RORA: variants seen among roughly 807,000 people sequenced by gnomAD.
The protein encoded by RORA is RAR related orphan receptor A, also known as nuclear receptor ROR-alpha.
Under a neutral mutation model 69.5 loss-of-function variants are expected in RORA, and 7 were observed. That is an observed-to-expected ratio of 0.10 (90% CI 0.06 to 0.19). The LOEUF (loss-of-function observed/expected upper bound fraction) is 0.19, where lower values mean the gene tolerates loss of function less well. Among genes scored for constraint, RORA ranks in the 10% least tolerant of loss-of-function variants. The probability of loss-of-function intolerance (pLI) is 1.00; values close to 1 mark genes in which losing one functional copy is unlikely to be tolerated. For missense variants in RORA, 457 were observed against 663.0 expected, an observed-to-expected ratio of 0.69 and a Z score of 3.41; for synonymous variants, 261 against 240.8, an observed-to-expected ratio of 1.08 and a Z score of -0.78.
At chr15:60,592,583 T>G in intron 2 of RORA, 1 of 1,211,804 alleles carries the variant, frequency 8.3e-7, no homozygotes, top group Non-Finnish European at 1.0e-6. Context: ...CCGGCTGACA[T>G]CACGGCCGCC....
At chr15:60,917,520 T>C (rs1017967748) in intron 1 of RORA, among the ~76,000 whole-genome samples, 1 of 152,152 alleles carries the variant, frequency 6.6e-6, no homozygotes, top group African/African-American at 2.4e-5. Flanking sequence ...AACTGCTGGG[T>C]GCTGTCCCAC....
At chr15:61,129,921 T>C (rs1338509122) in intron 1 of RORA, among the ~76,000 whole-genome samples, 1 of 152,190 alleles carries the variant, frequency 6.6e-6, no homozygotes, top group Non-Finnish European at 1.5e-5. Context: ...GGGTTTCCAA[T>C]GTATTCCATT....
chr15:61,028,437 G>T (rs1016228084), intron 1 of RORA, among the ~76,000 whole-genome samples: 3 of 152,150 alleles, frequency 2.0e-5, no homozygotes, highest in African/African-American at 7.2e-5. Context: ...CATTCAACAA[G>T]TATCTAATGA....
chr15:60,892,446 T>C (rs1161105085), intron 1 of RORA, among the ~76,000 whole-genome samples: 1 of 152,220 alleles, frequency 6.6e-6, no homozygotes, highest in African/African-American at 2.4e-5. Context: ...CCCACTCACC[T>C]GAACCCGTGC....
At chr15:61,129,593 A>G (rs181984998) in intron 1 of RORA, among the ~76,000 whole-genome samples, 2 of 152,304 alleles carry the variant, frequency 1.3e-5, no homozygotes, top group East Asian at 3.9e-4. Context: ...GGTAAATTTT[A>G]TGTTATGTAT....
At chr15:61,136,378 G>A (rs2079240418) in intron 1 of RORA, among the ~76,000 whole-genome samples, 1 of 152,178 alleles carries the variant, frequency 6.6e-6, no homozygotes, top group Admixed American at 6.5e-5. Context: ...CATTTTAGTG[G>A]TGCTGAAGTT....
chr15:60,944,034 T>C (rs183547925), intron 1 of RORA, among the ~76,000 whole-genome samples: 1 of 151,754 alleles, frequency 6.6e-6, no homozygotes, highest in East Asian at 1.9e-4. Flanking sequence ...TGGAGGCCTT[T>C]TGCCATAGTC....
At chr15:60,740,930 G>A (rs2071567695) in intron 1 of RORA, among the ~76,000 whole-genome samples, 1 of 152,182 alleles carries the variant, frequency 6.6e-6, no homozygotes, top group Non-Finnish European at 1.5e-5. Context: ...CAGTGAGAAA[G>A]CAGCTGTGGC....
intron 1 of RORA, among the ~76,000 whole-genome samples, chr15:60,959,998 T>C (rs185968317): frequency 2.0e-5 from 3 of 152,264 alleles, no homozygotes; most frequent in Admixed American, 1.3e-4. Context: ...ATAGCCAGTA[T>C]AGATTGTAAA....
At chr15:60,502,398 G>A (rs2065359124) in intron 8 of RORA, among the ~76,000 whole-genome samples, 1 of 152,126 alleles carries the variant, frequency 6.6e-6, no homozygotes, top group South Asian at 2.1e-4. Context: ...GAAGGGCAAA[G>A]CTTTTGCCCT....
In RORA at chr15:60,932,942, T is replaced by C. The variant is rs116529697; in HGVS notation, c.167-254256A>G. Among the ~76,000 whole-genome samples, 1,154 of 152,322 alleles carry C rather than the reference T, an allele frequency of 7.6e-3. 10 individuals carry two copies. The highest frequency in any genetic ancestry group is 0.027 in the African/African-American group (1,103 of 41,570). On this transcript the variant is annotated intron_variant, in intron 1 of 10. Coordinates refer to ENST00000335670, the MANE Select transcript of RORA (RefSeq NM_134261.3). The stretch of plus-strand genomic sequence containing the variant: ...CCCCTCAATCCCTGAAGAGTGTTGA[T>C]GGCTTCCTACGTCAGACAACCTTTC...
chr15:60,699,002 C>A (rs2070945293), intron 1 of RORA, among the ~76,000 whole-genome samples: 1 of 152,030 alleles, frequency 6.6e-6, no homozygotes, highest in Non-Finnish European at 1.5e-5. Flanking sequence ...ATTTATAAGA[C>A]TTCTGTATAG....
chr15:60,820,021 T>G (rs1313303868), intron 1 of RORA, among the ~76,000 whole-genome samples: 1 of 152,254 alleles, frequency 6.6e-6, no homozygotes, highest in Non-Finnish European at 1.5e-5. Flanking sequence ...CGCCTCTCCC[T>G]AACATCCCAA....
chr15:60,664,854 G>A (rs571910740), intron 2 of RORA, among the ~76,000 whole-genome samples: 1 of 152,274 alleles, frequency 6.6e-6, no homozygotes, highest in South Asian at 2.1e-4. Flanking sequence ...GATACTGCAG[G>A]GGATAATTTT....
At chr15:60,695,217 A>T (rs959878245) in intron 1 of RORA, among the ~76,000 whole-genome samples, 27 of 152,150 alleles carry the variant, frequency 1.8e-4, no homozygotes, top group Admixed American at 4.6e-4. Context: ...ACGTTCCTAG[A>T]AGCCATCTCT....
intron 1 of RORA, among the ~76,000 whole-genome samples, chr15:60,972,321 TA>T (rs1893741077): frequency 6.6e-6 from 1 of 152,102 alleles, no homozygotes; most frequent in Non-Finnish European, 1.5e-5. Flanking sequence ...AACAACAGCA[TA>T]AAGAGCAGGC....
rs979976562 is a variant in RORA, at chr15:61,117,039, C to T, written c.166+112014G>A. Among the ~76,000 whole-genome samples, 4 of 152,136 alleles carry T rather than the reference C, an allele frequency of 2.6e-5. No homozygotes were observed. In the East Asian group the frequency reaches 7.7e-4, roughly 29 times the overall value. On this transcript the variant is annotated intron_variant, in intron 1 of 10. Transcript: ENST00000335670. ...TACATCAGCTTCAAAGACAAACACA[C>T]ACCTTTCAATCCCAGTCCAAGAGAG...
intron 1 of RORA, among the ~76,000 whole-genome samples, chr15:60,887,361 T>A (rs8042801): frequency 0.089 from 13,471 of 152,174 alleles, 1,082 homozygotes; most frequent in African/African-American, 0.22. Context: ...GCATGCCTGT[T>A]TCATGATAAA....
chr15:60,517,092 T>C (rs1595896277), intron 3 of RORA, among the ~76,000 whole-genome samples: 2 of 141,956 alleles, frequency 1.4e-5, no homozygotes, highest in Non-Finnish European at 3.0e-5. Flanking sequence ...ATTTTATTTT[T>C]CTTTTTGTTC....
Sources: allele counts gnomAD v4.1 joint callset (sites outside exome capture counted in the v4.1 genomes callset), GRCh38; gene constraint gnomAD v4.1.1; transcripts MANE v1.5; gene names NCBI Gene and HGNC (gene_info 2026-07-23, HGNC 2026-07-21).